Variants in ACO1 observed in about 807,000 individuals in gnomAD.
The protein encoded by ACO1 is aconitase 1.
ACO1 carries 78 observed loss-of-function variants against 105.1 expected under a neutral mutation model. The ratio of observed to expected loss-of-function variants is 0.74; its 90% confidence interval spans 0.62 to 0.90. ACO1 has a LOEUF of 0.90. Ranked by LOEUF, ACO1 falls within the 40% of genes least tolerant of loss-of-function variation. The pLI is 0.00. For missense variants in ACO1, 965 were observed against 1,111.1 expected, an observed-to-expected ratio of 0.87 and a Z score of 1.87; for synonymous variants, 364 against 397.4, an observed-to-expected ratio of 0.92 and a Z score of 1.00.
chr9:32,415,437 G>A (rs576529040), intron 4 of ACO1, among the ~76,000 whole-genome samples: 3 of 152,298 alleles, frequency 2.0e-5, no homozygotes, highest in African/African-American at 7.2e-5. Context: ...GACAGACAGG[G>A]AAGAGGAACA....
At chr9:32,388,923 C>T (rs1337161651) in intron 1 of ACO1, among the ~76,000 whole-genome samples, 2 of 152,058 alleles carry the variant, frequency 1.3e-5, no homozygotes, top group African/African-American at 4.8e-5. Flanking sequence ...CATCCTCCTC[C>T]CCCAATTAAA....
At chr9:32,448,145 C>T (rs1413644807) in intron 19 of ACO1, among the ~76,000 whole-genome samples, 2 of 152,142 alleles carry the variant, frequency 1.3e-5, no homozygotes, top group Non-Finnish European at 2.9e-5. Context: ...GCACCTACAG[C>T]CACCCCTTCC....
intron 19 of ACO1, among the ~76,000 whole-genome samples, chr9:32,442,298 A>AGACAT (rs1226091367): frequency 6.6e-6 from 1 of 152,098 alleles, no homozygotes; most frequent in Non-Finnish European, 1.5e-5. Flanking sequence ...GCTCCCTGCA[A>AGACAT]GACATTCTGA....
rs541549055 is a variant in ACO1, at chr9:32,388,485, C to T, written c.-23+3750C>T. ...TCCAGGCTGCAGTGAGCCATGATTGCATCACGGCACTCCAGCCTGGGCAAT... is the reference window on the plus strand; with the variant it reads ...TCCAGGCTGCAGTGAGCCATGATTGTATCACGGCACTCCAGCCTGGGCAAT... On this transcript the variant is annotated intron_variant, in intron 1 of 20. Transcript: ENST00000309951. Among the ~76,000 whole-genome samples the T allele has an allele frequency of 2.0e-5, 3 of 152,080 alleles. No individual in the cohort carries two copies. The East Asian group carries it at 5.8e-4, about 29-fold the overall frequency.
At chr9:32,429,774 C>T (rs1229799438) in intron 13 of ACO1, among the ~76,000 whole-genome samples, 2 of 152,160 alleles carry the variant, frequency 1.3e-5, no homozygotes, top group African/African-American at 2.4e-5. Context: ...ACATAAGTCA[C>T]TTAGTGCAGT....
chr9:32,437,871 A>G (rs1266235599), intron 18 of ACO1, among the ~76,000 whole-genome samples: 4 of 150,616 alleles, frequency 2.7e-5, no homozygotes, highest in African/African-American at 7.5e-5. Context: ...TGTAACAGAA[A>G]GATAAGAGAA....
At chr9:32,386,517 T>C (rs1821159472) in intron 1 of ACO1, 1 of 152,218 alleles carries the variant, frequency 6.6e-6, no homozygotes, top group African/African-American at 2.4e-5. Context: ...GTTATGTGTA[T>C]ATATTTGGGA....
intron 1 of ACO1, among the ~76,000 whole-genome samples, chr9:32,400,213 C>T (rs548651334): frequency 4.6e-5 from 7 of 151,972 alleles, no homozygotes; most frequent in African/African-American, 9.7e-5. Flanking sequence ...TGAGGTGATC[C>T]GCCCATCTCG....
Position 32,419,088 on chromosome 9 carries a change from A to T in ACO1, c.709A>T (p.Met237Leu). The change falls in exon 7 of 21, where the codon ATG (methionine) becomes TTG (leucine). Residue 237 changes from methionine to leucine, a missense_variant. Physicochemically the swap from Met to Leu is conservative, Grantham distance 15 (BLOSUM62 2). Coordinates refer to ENST00000309951, the MANE Select transcript of ACO1 (RefSeq NM_002197.3). ...TGTCATGCTGGGTCAGCCAATCAGT[A>T]TGGTGCTTCCTCAGGTGATTGGCTA... is the stretch of plus-strand genomic sequence containing the variant. ...EAVMLGQPISMVLPQVIGYRL... is the reference protein window; with the variant it reads ...EAVMLGQPISLVLPQVIGYRL... 1 of 1,610,272 alleles carries T rather than the reference A, an allele frequency of 6.2e-7. No individual in the cohort carries two copies. The highest frequency in any genetic ancestry group is 8.5e-7 in the Non-Finnish European group (1 of 1,178,144).
intron 1 of ACO1, among the ~76,000 whole-genome samples, chr9:32,395,272 T>A (rs1821349477): frequency 6.6e-6 from 1 of 152,074 alleles, no homozygotes; most frequent in South Asian, 2.1e-4. Flanking sequence ...GGTCAGAAGT[T>A]TGAGACCAGC....
chr9:32,385,404 G>A (rs1425872862), intron 1 of ACO1, among the ~76,000 whole-genome samples: 2 of 152,140 alleles, frequency 1.3e-5, no homozygotes, highest in Non-Finnish European at 2.9e-5. Flanking sequence ...CTGGTACTCA[G>A]TACTCCTTTA....
At chr9:32,391,957 T>C (rs1178130378) in intron 1 of ACO1, among the ~76,000 whole-genome samples, 1 of 152,212 alleles carries the variant, frequency 6.6e-6, no homozygotes, top group African/African-American at 2.4e-5. Context: ...TCATAAACCC[T>C]TATTTTCTTA....
chr9:32,393,519 C>T (rs1821309695), intron 1 of ACO1, among the ~76,000 whole-genome samples: 1 of 152,160 alleles, frequency 6.6e-6, no homozygotes, highest in Admixed American at 6.5e-5. Context: ...GTCTTATGGT[C>T]CTGTGATCTT....
intron 1 of ACO1, among the ~76,000 whole-genome samples, chr9:32,401,866 G>A (rs992652053): frequency 2.6e-5 from 4 of 152,220 alleles, no homozygotes; most frequent in African/African-American, 4.8e-5. Context: ...CTTGCATGCA[G>A]AGTGTACCTG....
chr9:32,427,334 T>C lies in ACO1; in HGVS notation c.1382T>C (p.Leu461Pro), dbSNP rs1822121877. 1.2e-6 allele frequency: 2 copies of C among 1,614,250 alleles called. No homozygotes were observed. The highest frequency in any genetic ancestry group is 1.3e-5 in the African/African-American group (1 of 75,076). ...GCAAAGAAAGCTGTGGATGCTGGCC[T>C]GAACGTGATGCCTTACATCAAAACT... Reference protein sequence around the residue: ...LLAKKAVDAGLNVMPYIKTSL... With the variant: ...LLAKKAVDAGPNVMPYIKTSL... Residue 461 changes from leucine to proline, a missense_variant, in exon 12 of 21, where the codon CTG becomes CCG. Physicochemically the swap from Leu to Pro is moderately conservative, Grantham distance 98. Coordinates refer to ENST00000309951, the MANE Select transcript of ACO1 (RefSeq NM_002197.3).
rs1233774762 is a variant in ACO1 at position 32,452,651 on chromosome 9, C to T, written c.*2540C>T. 1.3e-5 allele frequency: 2 copies of T among 152,200 alleles called. No homozygotes were observed. Among genetic ancestry groups the T allele is most frequent in the African/African-American group, 2.4e-5 (1 of 41,524 alleles). The allele number at this position is 152,200 out of a possible 1,614,324, so 9.4% of individuals were successfully genotyped here. ...GAATTGGGTCCCTTACCTCCAAGTA[C>T]ACCCTCTGTCCTTTTCGGTAAAAAT... On this transcript the variant is annotated 3_prime_UTR_variant, in exon 21 of 21. Transcript: ENST00000309951.
intron 7 of ACO1, 58 bp downstream of exon 7, chr9:32,419,235 G>A: frequency 1.4e-6 from 2 of 1,471,650 alleles, no homozygotes; most frequent in East Asian, 2.5e-5. Context: ...GCTTTCCAAT[G>A]GAGGGAATAC....
rs768708549 is a variant in ACO1 at position 32,418,446 on chromosome 9, C to T, written c.593C>T (p.Pro198Leu). The T allele has an allele frequency of 9.3e-6, 15 of 1,614,052 alleles. No homozygotes were observed. The highest frequency in any genetic ancestry group is 5.0e-5 in the Admixed American group (3 of 60,002). ...VVFDQDGYYY[P>L]DSLVGTDSHT... is the part of the protein sequence containing the mutation. ...TTTGATCAGGATGGATATTATTACC[C>T]AGACAGCCTCGTGGGCACAGACTCG... is the stretch of plus-strand genomic sequence containing the variant. The change falls in exon 6 of 21, where the codon CCA becomes CTA. Residue 198 changes from proline to leucine, a missense_variant. Transcript: ENST00000309951.
chr9:32,440,032 C>T (rs1367247627), intron 18 of ACO1, among the ~76,000 whole-genome samples: 2 of 151,948 alleles, frequency 1.3e-5, no homozygotes, highest in African/African-American at 2.4e-5. Flanking sequence ...TTTGGGAGGC[C>T]GAGGTGGGAG....
Sources: allele counts gnomAD v4.1 joint callset (sites outside exome capture counted in the v4.1 genomes callset), GRCh38; gene constraint gnomAD v4.1.1; transcripts MANE v1.5; gene names NCBI Gene and HGNC (gene_info 2026-07-23, HGNC 2026-07-21).